Variants in CELF2 observed in about 807,000 individuals in gnomAD.
CELF2 encodes the protein CUG triplet repeat RNA-binding protein 2.
In CELF2, 8 loss-of-function variants were observed where a neutral mutation model predicts 62.6. That is an observed-to-expected ratio of 0.13 (90% confidence interval 0.07 to 0.23). The LOEUF (loss-of-function observed/expected upper bound fraction) is 0.23, where lower values mean the gene tolerates loss of function less well. CELF2 is among the 10% of genes least tolerant of loss of function. The pLI is 1.00. For missense variants in CELF2, 333 were observed against 671.0 expected (o/e 0.50, Z 5.56); for synonymous variants, 258 against 250.0 (o/e 1.03, Z -0.30).
chr10:10,465,589 C>T, the CELF2 span, among the ~76,000 whole-genome samples: 3 of 152,134 alleles, frequency 2.0e-5, no homozygotes, highest in South Asian at 6.2e-4. Flanking sequence ...TAAAAATGGG[C>T]AGGAAGCGCT....
At chr10:10,834,459 C>G (rs142552900) in intron 1 of CELF2, among the ~76,000 whole-genome samples, 5 of 152,106 alleles carry the variant, frequency 3.3e-5, no homozygotes, top group Admixed American at 1.3e-4. Flanking sequence ...CTGAACTTAA[C>G]AAAAAGAATG....
At chr10:10,864,201 C>T (rs2060216771) in intron 1 of CELF2, among the ~76,000 whole-genome samples, 1 of 152,080 alleles carries the variant, frequency 6.6e-6, no homozygotes, top group African/African-American at 2.4e-5. Flanking sequence ...TGCCACCAAC[C>T]AACTTTTGAC....
the CELF2 span, among the ~76,000 whole-genome samples, chr10:10,793,044 G>A: frequency 2.6e-5 from 4 of 152,204 alleles, no homozygotes; most frequent in African/African-American, 9.6e-5. Flanking sequence ...AGCAGAAAAT[G>A]TCAGACACAT....
the CELF2 span, among the ~76,000 whole-genome samples, chr10:10,727,834 C>T: frequency 3.3e-5 from 5 of 151,840 alleles, no homozygotes; most frequent in East Asian, 3.9e-4. Flanking sequence ...TTAGAGATTC[C>T]TTTATGGTAT....
chr10:10,789,750 C>G, the CELF2 span, among the ~76,000 whole-genome samples: 2 of 151,998 alleles, frequency 1.3e-5, no homozygotes, highest in African/African-American at 4.8e-5. Flanking sequence ...ATTTGAATTT[C>G]TTCCTCCATA....
the CELF2 span, among the ~76,000 whole-genome samples, chr10:10,542,955 G>C: frequency 1.3e-5 from 2 of 152,162 alleles, no homozygotes; most frequent in Non-Finnish European, 2.9e-5. Context: ...TTGTCAGTCT[G>C]TATTTTCAGT....
chr10:10,918,867 C>A (rs2064592492), intron 1 of CELF2, among the ~76,000 whole-genome samples: 1 of 149,698 alleles, frequency 6.7e-6, no homozygotes, highest in South Asian at 2.1e-4. Context: ...CACCTTTAAT[C>A]CCTTGAAGTT....
chr10:10,845,498 A>G (rs1403707375), intron 1 of CELF2, among the ~76,000 whole-genome samples: 1 of 152,154 alleles, frequency 6.6e-6, no homozygotes, highest in Non-Finnish European at 1.5e-5. Flanking sequence ...AGTCATAGCT[A>G]GAAGTCTGCA....
Position 11,314,002 on chromosome 10 carries a change from C to A in CELF2, c.977-137C>A. The A allele has an allele frequency of 3.4e-6, 3 of 872,918 alleles. No homozygotes were observed. The highest frequency in any genetic ancestry group is 1.6e-5 in the South Asian group (1 of 60,712). 54.1% of individuals were successfully genotyped at this position (872,918 alleles called of 1,614,324 possible). ...CTGTCAAAATTGCCACAAGTACAAT[C>A]CCACATGTCCTTCACCCAAAGCCAC... On this transcript the variant is annotated intron_variant, in intron 9 of 12. Transcript: ENST00000633077. The surrounding 1 kb of genome is among the most constrained non-coding windows in gnomAD (Gnocchi z 5.3).
At chr10:11,085,281 C>A (rs1279867023) in intron 1 of CELF2, among the ~76,000 whole-genome samples, 1 of 152,260 alleles carries the variant, frequency 6.6e-6, no homozygotes, top group South Asian at 2.1e-4. Flanking sequence ...TGGTCAGCAG[C>A]ACATCATTGT....
At chr10:11,095,571 A>G (rs2049599472) in intron 1 of CELF2, among the ~76,000 whole-genome samples, 1 of 152,218 alleles carries the variant, frequency 6.6e-6, no homozygotes, top group African/African-American at 2.4e-5. Flanking sequence ...AAGCTTGCAT[A>G]TCTTTTGCCC....
At chr10:11,118,542 C>T (rs1045859831) in intron 1 of CELF2, among the ~76,000 whole-genome samples, 9 of 152,028 alleles carry the variant, frequency 5.9e-5, no homozygotes, top group South Asian at 2.1e-4. Context: ...GTAAGTAGTT[C>T]CTAATGTCTC....
chr10:10,580,944 A>G, the CELF2 span, among the ~76,000 whole-genome samples: 1 of 152,256 alleles, frequency 6.6e-6, no homozygotes, highest in Non-Finnish European at 1.5e-5. Flanking sequence ...TTACATTTAT[A>G]AATTTCTCTT....
At chr10:10,956,919 C>T (rs539592717) in intron 2 of CELF2, among the ~76,000 whole-genome samples, 1 of 150,972 alleles carries the variant, frequency 6.6e-6, no homozygotes, top group Non-Finnish European at 1.5e-5. Flanking sequence ...GGGCGGTAGA[C>T]CAAGACACCG....
In CELF2 at chr10:11,319,227, C is replaced by A; in HGVS notation, c.1097-1962C>A. 1 of 398,736 alleles carries A rather than the reference C, an allele frequency of 2.5e-6. No individual in the cohort carries two copies. Among genetic ancestry groups the A allele is most frequent in the Non-Finnish European group, 5.2e-6 (1 of 193,320 alleles). 24.7% of individuals were successfully genotyped at this position (398,736 alleles called of 1,614,324 possible). A position where few individuals can be genotyped will look rare whatever the true frequency, so the allele number is the denominator to read the frequency against. On this transcript the variant is annotated intron_variant, in intron 10 of 12. Coordinates refer to ENST00000633077, the MANE Select transcript of CELF2 (RefSeq NM_001326342.2). The surrounding 1 kb of genome is among the most constrained non-coding windows in gnomAD (Gnocchi z 4.4). Reference sequence around the variant, plus strand: ...GTTAACAGCCTGGCCAAAGTGAGACCAACAGAATTTATCAGCAGCGTCCAG... The same window carrying A: ...GTTAACAGCCTGGCCAAAGTGAGACAAACAGAATTTATCAGCAGCGTCCAG...
chr10:11,268,899 G>A lies in CELF2; in HGVS notation c.619-1767G>A, dbSNP rs140143598. ...TCTTAAAAACAATTAATTTTATATC[G>A]TGCCTTCTGTTTCTCCACTTGCCTT... is the stretch of plus-strand genomic sequence containing the variant. On this transcript the variant is annotated intron_variant, in intron 6 of 12. Coordinates refer to ENST00000633077, the MANE Select transcript of CELF2 (RefSeq NM_001326342.2). This position sits in a 1 kb window ranked among gnomAD's most constrained non-coding sequence, Gnocchi z 4.7. Among the ~76,000 whole-genome samples, 3 of 152,004 alleles carry A rather than the reference G, an allele frequency of 2.0e-5. No homozygotes were observed. The highest frequency in any genetic ancestry group is 1.9e-4 in the East Asian group (1 of 5,176).
At chr10:10,850,929 C>T (rs2059345435) in intron 1 of CELF2, among the ~76,000 whole-genome samples, 1 of 152,118 alleles carries the variant, frequency 6.6e-6, no homozygotes, top group South Asian at 2.1e-4. Context: ...CCTCATCCTC[C>T]TGAGTAGCTG....
chr10:10,516,359 CTG>C, the CELF2 span, among the ~76,000 whole-genome samples: 1 of 152,092 alleles, frequency 6.6e-6, no homozygotes, highest in African/African-American at 2.4e-5. Flanking sequence ...ATTTTTGACA[CTG>C]AGGAAGTTTC....
At chr10:10,495,120 A>C in the CELF2 span, among the ~76,000 whole-genome samples, 2 of 151,930 alleles carry the variant, frequency 1.3e-5, no homozygotes, top group Non-Finnish European at 2.9e-5. Flanking sequence ...ACTAAAAAAA[A>C]AATGCAAAAA....
Sources: allele counts gnomAD v4.1 joint callset (sites outside exome capture counted in the v4.1 genomes callset), GRCh38; gene constraint gnomAD v4.1.1; non-coding constraint Gnocchi (gnomAD v3.1); transcripts MANE v1.5; gene names NCBI Gene and HGNC (gene_info 2026-07-23, HGNC 2026-07-21).